The following ERCC6L2 variants were observed in gnomAD, a reference collection of about 807,000 sequenced individuals.
The protein encoded by ERCC6L2 is DNA excision repair protein ERCC-6-like 2.
A neutral mutation model predicts 132.0 loss-of-function variants in ERCC6L2; 77 were observed. The observed-to-expected ratio is 0.58, with a 90% CI of 0.49 to 0.71. ERCC6L2 has a LOEUF of 0.71. Among genes scored for constraint, ERCC6L2 ranks in the 30% least tolerant of loss-of-function variants. The pLI, the probability that ERCC6L2 is intolerant of heterozygous loss-of-function variation, is 0.00. For missense variants in ERCC6L2, 1,542 were observed against 1,837.6 expected (o/e 0.84, Z 2.94); for synonymous variants, 583 against 632.4 (o/e 0.92, Z 1.17).
intron 13 of ERCC6L2, among the ~76,000 whole-genome samples, chr9:95,963,718 T>A (rs181003067): frequency 2.6e-5 from 4 of 152,218 alleles, no homozygotes; most frequent in Non-Finnish European, 5.9e-5. Context: ...TGGAATATTA[T>A]CCAGGCTTTG....
At chr9:95,896,409 T>A (rs1272992859) in intron 2 of ERCC6L2, among the ~76,000 whole-genome samples, 2 of 42,708 alleles carry the variant, frequency 4.7e-5, no homozygotes, top group Non-Finnish European at 1.1e-4. Flanking sequence ...TGTTTTTTGA[T>A]TTTTTTTTTT....
chr9:95,968,771 T>C (rs1475364042), intron 14 of ERCC6L2: 1 of 152,174 alleles, frequency 6.6e-6, no homozygotes, highest in Non-Finnish European at 1.5e-5. Flanking sequence ...GAGCATCTGC[T>C]AAATGTCAGG....
At chr9:95,938,424 G>A (rs1239381656) in intron 11 of ERCC6L2, among the ~76,000 whole-genome samples, 1 of 151,976 alleles carries the variant, frequency 6.6e-6, no homozygotes, top group Non-Finnish European at 1.5e-5. Flanking sequence ...TCTATCAGTT[G>A]CTGAATGTGG....
intron 11 of ERCC6L2, among the ~76,000 whole-genome samples, chr9:95,938,767 A>T (rs949469298): frequency 6.6e-6 from 1 of 152,004 alleles, no homozygotes; most frequent in Non-Finnish European, 1.5e-5. Flanking sequence ...TTTTCAAACT[A>T]CCCTGCCAAT....
intron 17 of ERCC6L2, among the ~76,000 whole-genome samples, chr9:95,994,354 A>T (rs989942495): frequency 6.6e-6 from 1 of 152,070 alleles, no homozygotes; most frequent in African/African-American, 2.4e-5. Context: ...AGCCATCAGG[A>T]CCTTCCAGTG....
In ERCC6L2 at chr9:96,017,819, A is replaced by G. The variant is rs186817099; in HGVS notation, c.*4616A>G. On this transcript the variant is annotated 3_prime_UTR_variant, in exon 19 of 19. Transcript: ENST00000653738. ...TTTGAACATCTGTGTTCATAGTGGC[A>G]TTATTCACAATGGCTACAACACGAA... is the stretch of plus-strand genomic sequence containing the variant. Among the ~76,000 whole-genome samples, 15 of 152,364 alleles carry G rather than the reference A, an allele frequency of 9.8e-5. No individual in the cohort carries two copies. The highest frequency in any genetic ancestry group is 2.1e-4 in the Non-Finnish European group (14 of 68,038).
chr9:96,013,098 A>G lies in ERCC6L2; in HGVS notation c.4548A>G (p.Glu1516=), dbSNP rs1314804353. Residue 1516 remains glutamate, a synonymous_variant, in exon 19 of 19, where the codon GAA becomes GAG. Transcript: ENST00000653738. The stretch of plus-strand genomic sequence containing the variant: ...TAGCAGCACCCTTTAAAAGGAGAGA[A>G]GAGCCAGCAACTTCTCTTTGGAAAT... ...APLAAPFKRR[E]EPATSLWKSN... 7.3e-7 allele frequency: 1 copy of G among 1,367,672 alleles called. No individual in the cohort carries two copies. Among genetic ancestry groups the G allele is most frequent in the South Asian group, 1.1e-5 (1 of 88,048 alleles). The allele number at this position is 1,367,672 out of a possible 1,614,324, so 84.7% of individuals were successfully genotyped here. A position where few individuals can be genotyped will look rare whatever the true frequency, so the allele number is the denominator to read the frequency against.
chr9:95,875,939 T>C lies in ERCC6L2; in HGVS notation c.-100T>C, dbSNP rs1012339660. 12 of 1,305,644 alleles carry C rather than the reference T, an allele frequency of 9.2e-6. No individual in the cohort carries two copies. Among genetic ancestry groups the C allele is most frequent in the Admixed American group, 2.0e-5 (1 of 49,086 alleles). The allele number at this position is 1,305,644 out of a possible 1,614,324, so 80.9% of individuals were successfully genotyped here. On this transcript the variant is annotated 5_prime_UTR_variant, in exon 1 of 19. Coordinates refer to ENST00000653738, the MANE Select transcript of ERCC6L2 (RefSeq NM_020207.7). ...GCGATGCTCGGAGGGCGGCCGGAAG[T>C]GGCGTTGGCCGCCATTGGCCTGCCG...
intron 4 of ERCC6L2, among the ~76,000 whole-genome samples, chr9:95,909,921 C>T (rs572742843): frequency 2.6e-4 from 39 of 152,266 alleles, no homozygotes; most frequent in African/African-American, 7.7e-4. Context: ...TCAGTTGCTT[C>T]GTATTCTCAG....
At chr9:96,004,803 A>C in intron 18 of ERCC6L2, 102 bp downstream of exon 18, 1 of 743,890 alleles carries the variant, frequency 1.3e-6, no homozygotes, top group Non-Finnish European at 1.9e-6. Context: ...CATAACTGAC[A>C]TCTGAATATT....
downstream of ERCC6L2, chr9:96,020,924 A>G (rs1225826842): frequency 2.2e-6 from 1 of 456,346 alleles, no homozygotes; most frequent in Non-Finnish European, 4.4e-6. Flanking sequence ...CAATTCACCC[A>G]CCCTCCAAGA....
In ERCC6L2 at chr9:95,973,056, A is replaced by G. The variant is rs1444904832; in HGVS notation, c.3305A>G (p.Glu1102Gly). The G allele has an allele frequency of 7.4e-7, 1 of 1,359,176 alleles. No homozygotes were observed. The highest frequency in any genetic ancestry group is 9.8e-7 in the Non-Finnish European group (1 of 1,018,900). 84.2% of individuals were successfully genotyped at this position (1,359,176 alleles called of 1,614,324 possible). The change falls in exon 16 of 19, where the codon GAG becomes GGG. Residue 1102 changes from glutamate (E) to glycine (G), a missense_variant. Physicochemically the swap from Glu to Gly is moderately conservative, Grantham distance 98 (BLOSUM62 -2). Transcript: ENST00000653738. Reference protein sequence around the residue: ...KCSNEKVVNQEQSYESMDKFL... With the variant: ...KCSNEKVVNQGQSYESMDKFL... ...TCAAATGAGAAAGTTGTTAATCAAG[A>G]GCAGTCGTATGAATCAATGGATAAA...
At position 95,942,606 on chromosome 9, in the gene ERCC6L2, A is replaced by G. The variant is rs185331039; in HGVS notation, c.1847+1057A>G. 2.2e-3 allele frequency among the ~76,000 whole-genome samples: 334 copies of G among 152,298 alleles called. 1 individual carries two copies. Among genetic ancestry groups the G allele is most frequent in the African/African-American group, 7.5e-3 (313 of 41,582 alleles). ...GAGAAGGATATGGAAGATAAAAGGA[A>G]TGAATATTTTAAAACATAAAGTCAA... On this transcript the variant is annotated intron_variant, in intron 12 of 18. Transcript: ENST00000653738.
chr9:96,035,698 C>A (rs1834511201), intron 19 of ERCC6L2, among the ~76,000 whole-genome samples: 1 of 152,220 alleles, frequency 6.6e-6, no homozygotes, highest in Non-Finnish European at 1.5e-5. Context: ...TCACCCTTCA[C>A]CTGTCTGCAT....
chr9:95,924,318 CATAAAG>C (rs1564229051), intron 9 of ERCC6L2, among the ~76,000 whole-genome samples: 14 of 151,690 alleles, frequency 9.2e-5, no homozygotes. Flanking sequence ...TACATACATA[CATAAAG>C]ACTATTGCAT....
In ERCC6L2 at chr9:95,955,911, C is replaced by T. The variant is rs974257777; in HGVS notation, c.1848-3C>T. 1.3e-6 allele frequency: 2 copies of T among 1,546,214 alleles called. No homozygotes were observed. Among genetic ancestry groups the T allele is most frequent in the African/African-American group, 1.4e-5 (1 of 72,156 alleles). On this transcript the variant is annotated splice_polypyrimidine_tract_variant and splice_region_variant and intron_variant, in intron 12 of 18. Coordinates refer to ENST00000653738, the MANE Select transcript of ERCC6L2 (RefSeq NM_020207.7). ...TTTGTTTGTATTTTTAATCCTTTTA[C>T]AGAGCATATAGGATTGGACAATGTA... is the stretch of plus-strand genomic sequence containing the variant.
chr9:95,900,011 G>A (rs920785628), intron 3 of ERCC6L2, among the ~76,000 whole-genome samples: 1 of 152,040 alleles, frequency 6.6e-6, no homozygotes, highest in African/African-American at 2.4e-5. Flanking sequence ...AATGTACATT[G>A]CTATTTACCT....
At chr9:95,937,058 G>C (rs1830589760) in intron 11 of ERCC6L2, among the ~76,000 whole-genome samples, 1 of 152,114 alleles carries the variant, frequency 6.6e-6, no homozygotes, top group African/African-American at 2.4e-5. Flanking sequence ...CCAGTTTTCG[G>C]CTGTGACAGA....
At chr9:95,878,044 C>A (rs1460515708) in intron 1 of ERCC6L2, among the ~76,000 whole-genome samples, 4 of 152,118 alleles carry the variant, frequency 2.6e-5, no homozygotes, top group African/African-American at 9.7e-5. Flanking sequence ...GTACCCTACG[C>A]TAAATAGGTG....
Sources: allele counts gnomAD v4.1 joint callset (sites outside exome capture counted in the v4.1 genomes callset), GRCh38; gene constraint gnomAD v4.1.1; transcripts MANE v1.5; gene names NCBI Gene and HGNC (gene_info 2026-07-23, HGNC 2026-07-21).